The following OR56A3 variants were observed in gnomAD, a reference collection of about 807,000 sequenced individuals.
The protein encoded by OR56A3 is olfactory receptor family 56 subfamily A member 3.
Under a neutral mutation model 17.5 loss-of-function variants are expected in OR56A3, and 23 were observed. That is an observed-to-expected ratio of 1.32 (90% CI 0.95 to 1.87). OR56A3 has a LOEUF of 1.87. Among genes scored for constraint, OR56A3 ranks in the 40% most tolerant of loss-of-function variants. The probability of loss-of-function intolerance (pLI) is 0.00; values close to 1 mark genes in which losing one functional copy is unlikely to be tolerated. For synonymous variants in OR56A3, 175 were observed against 150.6 expected (o/e 1.16, Z -1.19); for missense variants, 366 against 380.1 (o/e 0.96, Z 0.31).
chr11:5,987,022 G>C, the OR56A3 span: 1 of 1,230,382 alleles, frequency 8.1e-7, no homozygotes, highest in South Asian at 1.5e-5. Flanking sequence ...CAAACGAAGG[G>C]AATAAAGTTA....
At chr11:5,981,922 G>T in the OR56A3 span, among the ~76,000 whole-genome samples, 1 of 152,138 alleles carries the variant, frequency 6.6e-6, no homozygotes, top group African/African-American at 2.4e-5. Flanking sequence ...TATATTCAGG[G>T]GGCCATGGTT....
At chr11:5,995,561 C>T in the OR56A3 span, among the ~76,000 whole-genome samples, 4 of 152,132 alleles carry the variant, frequency 2.6e-5, no homozygotes, top group Admixed American at 2.6e-4. Flanking sequence ...TTGTCTTTTT[C>T]AATACTACCC....
At chr11:5,994,887 C>T in the OR56A3 span, 2 of 757,568 alleles carry the variant, frequency 2.6e-6, no homozygotes. Flanking sequence ...GGGTAGGAGG[C>T]CAGGCAGTCA....
downstream of OR56A3, among the ~76,000 whole-genome samples, chr11:5,955,452 T>A (rs1847927502): frequency 6.6e-6 from 1 of 152,118 alleles, no homozygotes; most frequent in African/African-American, 2.4e-5. Context: ...CTGAGGGGCA[T>A]AAGGCAGAAT....
the OR56A3 span, chr11:6,019,813 T>C: frequency 6.6e-6 from 1 of 152,124 alleles, no homozygotes; most frequent in Non-Finnish European, 1.5e-5. Context: ...AGGCTTTTTC[T>C]CAAAAGCATT....
downstream of OR56A3, among the ~76,000 whole-genome samples, chr11:5,952,430 C>T (rs533145794): frequency 9.9e-5 from 15 of 152,244 alleles, no homozygotes; most frequent in African/African-American, 3.4e-4. Context: ...AAATATATCA[C>T]AAATTATTCT....
At chr11:5,995,902 A>T in the OR56A3 span, among the ~76,000 whole-genome samples, 1 of 152,130 alleles carries the variant, frequency 6.6e-6, no homozygotes, top group Non-Finnish European at 1.5e-5. Flanking sequence ...CCTCCCACCT[A>T]CCAGACTCTG....
At chr11:5,962,531 CTT>C in the OR56A3 span, among the ~76,000 whole-genome samples, 38 of 128,376 alleles carry the variant, frequency 3.0e-4, no homozygotes, top group South Asian at 2.0e-3. Flanking sequence ...CTGGGCTTTT[CTT>C]TTTTTTTTTT....
chr11:5,961,553 A>C, the OR56A3 span, among the ~76,000 whole-genome samples: 12 of 152,152 alleles, frequency 7.9e-5, no homozygotes. Context: ...AAGGCAGCAT[A>C]CTCGTTAAGA....
At chr11:6,011,799 G>C in the OR56A3 span, among the ~76,000 whole-genome samples, 2 of 152,192 alleles carry the variant, frequency 1.3e-5, no homozygotes, top group Non-Finnish European at 1.5e-5. Context: ...GGGTGTGAGC[G>C]AGCATGGGGT....
At position 5,948,436 on chromosome 11, in the gene OR56A3, G is replaced by T; in HGVS notation, c.*142G>T. ...TTGTGTGTGCTTTTCAAAAACATCG[G>T]TTTTAATTTAAGTCTATCTTCCTTT... On this transcript the variant is annotated 3_prime_UTR_variant, in exon 3 of 3. Coordinates refer to ENST00000641160, the MANE Select transcript of OR56A3 (RefSeq NM_001003443.3). 2 of 600,712 alleles carry T rather than the reference G, an allele frequency of 3.3e-6. No individual in the cohort carries two copies. Among genetic ancestry groups the T allele is most frequent in the East Asian group, 5.6e-5 (2 of 35,944 alleles). The allele number at this position is 600,712 out of a possible 1,614,324, so 37.2% of individuals were successfully genotyped here.
the OR56A3 span, chr11:5,986,412 G>C: frequency 1.2e-6 from 2 of 1,613,674 alleles, no homozygotes; most frequent in Non-Finnish European, 8.5e-7. Flanking sequence ...AGGGGATAAG[G>C]AGTAGTAATC....
At chr11:6,015,208 C>A in the OR56A3 span, among the ~76,000 whole-genome samples, 1 of 152,076 alleles carries the variant, frequency 6.6e-6, no homozygotes. Context: ...ATCTCAAAGG[C>A]ATTTCAGAGA....
chr11:5,947,483 A>G lies in OR56A3; in HGVS notation c.137A>G (p.Asn46Ser), dbSNP rs1176122976. The G allele has an allele frequency of 1.2e-6, 2 of 1,613,800 alleles. No homozygotes were observed. Among genetic ancestry groups the G allele is most frequent in the Non-Finnish European group, 8.5e-7 (1 of 1,179,894 alleles). The change falls in exon 3 of 3, where the codon AAC (asparagine) becomes AGC (serine). Residue 46 changes from asparagine (N) to serine (S), a missense_variant. Transcript: ENST00000641160. Reference protein sequence around the residue: ...SLLFLLAVGANTTLLMTIWLE... With the variant: ...SLLFLLAVGASTTLLMTIWLE... ...CTTTTCCTCTTGGCCGTAGGGGCCA[A>G]CACCACCCTCCTGATGACCATCTGG...
At chr11:5,976,368 A>T in the OR56A3 span, among the ~76,000 whole-genome samples, 1,410 of 152,246 alleles carry the variant, frequency 9.3e-3, 16 homozygotes, top group African/African-American at 0.033. Context: ...GGGAAAATGA[A>T]AGGAAAAGCT....
chr11:5,953,200 T>C (rs1356048433), downstream of OR56A3, among the ~76,000 whole-genome samples: 1 of 152,236 alleles, frequency 6.6e-6, no homozygotes. Context: ...ATGGTAATTC[T>C]GTTTTAAGCT....
At chr11:5,967,185 CA>C in the OR56A3 span, 5 of 165,264 alleles carry the variant, frequency 3.0e-5, no homozygotes, top group African/African-American at 1.2e-4. Context: ...AGACATCTAA[CA>C]CATATGTATG....
At chr11:6,009,500 TATTCA>T in the OR56A3 span, among the ~76,000 whole-genome samples, 13 of 152,332 alleles carry the variant, frequency 8.5e-5, no homozygotes, top group Admixed American at 5.2e-4. Flanking sequence ...AAATTTAATA[TATTCA>T]ATTCAATATA....
chr11:5,962,414 A>G, the OR56A3 span, among the ~76,000 whole-genome samples: 1 of 152,060 alleles, frequency 6.6e-6, no homozygotes, highest in Non-Finnish European at 1.5e-5. Context: ...CTTACAATGA[A>G]TTTTGGAGAA....
Sources: allele counts gnomAD v4.1 joint callset (sites outside exome capture counted in the v4.1 genomes callset), GRCh38; gene constraint gnomAD v4.1.1; transcripts MANE v1.5; gene names NCBI Gene and HGNC (gene_info 2026-07-23, HGNC 2026-07-21).